MYLK3: variants seen among roughly 807,000 people sequenced by gnomAD.
MYLK3 encodes the protein myosin light chain kinase 3, also known as MLC kinase.
MYLK3 carries 55 observed loss-of-function variants against 76.3 expected under a neutral mutation model. The ratio of observed to expected loss-of-function variants is 0.72; its 90% CI spans 0.58 to 0.90. The LOEUF (loss-of-function observed/expected upper bound fraction) is 0.90. Among genes scored for constraint, MYLK3 ranks in the 40% least tolerant of loss-of-function variants. MYLK3 has a pLI of 0.00. For missense variants in MYLK3, 973 were observed against 1,053.6 expected, an observed-to-expected ratio of 0.92 and a Z score of 1.06; for synonymous variants, 416 against 425.4, an observed-to-expected ratio of 0.98 and a Z score of 0.27.
intron 1 of MYLK3, among the ~76,000 whole-genome samples, chr16:46,760,274 G>A (rs887682255): frequency 3.9e-5 from 6 of 152,180 alleles, no homozygotes; most frequent in African/African-American, 1.2e-4. Flanking sequence ...AAGTCCCTTC[G>A]ACTCCTACAA....
intron 7 of MYLK3, among the ~76,000 whole-genome samples, chr16:46,727,970 A>G (rs771401272): frequency 1.3e-5 from 2 of 152,242 alleles, no homozygotes; most frequent in Admixed American, 6.5e-5. Flanking sequence ...GATTCTGACC[A>G]GGGCTGTGAA....
intron 1 of MYLK3, among the ~76,000 whole-genome samples, chr16:46,753,577 T>C (rs866889451): frequency 6.6e-6 from 1 of 152,202 alleles, no homozygotes; most frequent in Middle Eastern, 3.4e-3. Context: ...AACACGATCA[T>C]AGAAGAAACA....
chr16:46,723,019 C>T (rs536792451), intron 8 of MYLK3, among the ~76,000 whole-genome samples: 5 of 152,026 alleles, frequency 3.3e-5, no homozygotes, highest in Admixed American at 6.6e-5. Flanking sequence ...TTAAAGTGTG[C>T]GATTCAATTA....
At chr16:46,711,962 C>T (rs16947668) in intron 10 of MYLK3, among the ~76,000 whole-genome samples, 2,546 of 150,788 alleles carry the variant, frequency 0.017, 35 homozygotes, top group South Asian at 0.045. Flanking sequence ...TGTCTCAGTA[C>T]CAAAAAATTC....
chr16:46,721,247 C>CTAT, intron 8 of MYLK3, 54 bp from the exon 9 acceptor site: 1 of 1,544,218 alleles, frequency 6.5e-7, no homozygotes, highest in Non-Finnish European at 9.0e-7. Flanking sequence ...AGGTCTGCAG[C>CTAT]TGCCACACTT....
intron 4 of MYLK3, 47 bp downstream of exon 4, chr16:46,732,161 T>C (rs1054972964): frequency 8.8e-6 from 13 of 1,478,854 alleles, no homozygotes; most frequent in Non-Finnish European, 1.2e-5. Context: ...GGCTCCAAAC[T>C]CCCTCCCCTC....
chr16:46,733,142 C>T (rs1017298629), intron 3 of MYLK3, among the ~76,000 whole-genome samples: 1 of 152,056 alleles, frequency 6.6e-6, no homozygotes, highest in African/African-American at 2.4e-5. Context: ...TGGGAGGATC[C>T]CTTGAGGCCA....
At chr16:46,739,416 A>C in intron 2 of MYLK3, among the ~76,000 whole-genome samples, 1 of 152,218 alleles carries the variant, frequency 6.6e-6, no homozygotes, top group East Asian at 1.9e-4. Context: ...TTTGAGTAAC[A>C]AGTTGGTGGC....
At chr16:46,760,688 C>G (rs545010481) in intron 1 of MYLK3, among the ~76,000 whole-genome samples, 1 of 152,332 alleles carries the variant, frequency 6.6e-6, no homozygotes, top group East Asian at 1.9e-4. Flanking sequence ...CTACCCCTAC[C>G]CTCTGAGCTG....
chr16:46,722,463 ATT>A (rs1966808999), intron 8 of MYLK3, among the ~76,000 whole-genome samples: 2 of 152,190 alleles, frequency 1.3e-5, no homozygotes, highest in Admixed American at 1.3e-4. Context: ...TTTCATTGTT[ATT>A]TATGTTACAA....
intron 10 of MYLK3, among the ~76,000 whole-genome samples, chr16:46,711,388 G>T (rs1296339909): frequency 2.6e-5 from 4 of 152,156 alleles, no homozygotes. Flanking sequence ...AGCAGCCACG[G>T]GAAGTCCACA....
chr16:46,734,426 C>T (rs944366411), intron 3 of MYLK3, among the ~76,000 whole-genome samples: 4 of 152,074 alleles, frequency 2.6e-5, no homozygotes, highest in Non-Finnish European at 4.4e-5. Flanking sequence ...CCAGACTGGC[C>T]AACATGGAGA....
At chr16:46,718,382 C>T (rs569043204) in intron 9 of MYLK3, among the ~76,000 whole-genome samples, 3 of 152,290 alleles carry the variant, frequency 2.0e-5, no homozygotes, top group Admixed American at 6.5e-5. Context: ...GACCCTGTCT[C>T]GTGGGATGAT....
intron 1 of MYLK3, among the ~76,000 whole-genome samples, chr16:46,755,883 G>C (rs551761955): frequency 2.0e-5 from 3 of 150,062 alleles, no homozygotes; most frequent in South Asian, 2.1e-4. Context: ...AGGACAACTA[G>C]AGTTCTTTTT....
intron 3 of MYLK3, among the ~76,000 whole-genome samples, chr16:46,735,791 G>C (rs75445197): frequency 0.02 from 3,050 of 152,248 alleles, 72 homozygotes; most frequent in East Asian, 0.1. Flanking sequence ...GCCAGTCAAC[G>C]GTCAGCTGAG....
intron 1 of MYLK3, among the ~76,000 whole-genome samples, chr16:46,744,312 G>A (rs905935414): frequency 1.4e-5 from 2 of 138,022 alleles, no homozygotes; most frequent in Admixed American, 7.7e-5. Flanking sequence ...AATTACAGGC[G>A]TGAGCCACCA....
chr16:46,757,007 C>G (rs1239714958), intron 1 of MYLK3, among the ~76,000 whole-genome samples: 1 of 152,142 alleles, frequency 6.6e-6, no homozygotes, highest in Non-Finnish European at 1.5e-5. Context: ...GACAGCTTCC[C>G]AGTCCTAAGC....
chr16:46,707,473 A>G lies in MYLK3; in HGVS notation c.*231T>C. ...CCAAAAGTAGGTATATTTGAAAGGT[A>G]CTCAGAGCATTTCACACGTAGTGAT... On this transcript the variant is annotated 3_prime_UTR_variant, in exon 13 of 13. Transcript: ENST00000394809. 6.2e-6 allele frequency: 3 copies of G among 487,386 alleles called. No individual in the cohort carries two copies. In the South Asian group the frequency reaches 9.8e-5, roughly 16 times the overall value. 30.2% of individuals were successfully genotyped at this position (487,386 alleles called of 1,614,324 possible).
intron 1 of MYLK3, among the ~76,000 whole-genome samples, chr16:46,745,748 CAAA>C (rs975676678): frequency 9.2e-5 from 14 of 151,936 alleles, no homozygotes; most frequent in African/African-American, 3.4e-4. Flanking sequence ...GTCTCAAAAA[CAAA>C]CAAAAACAAC....
Sources: allele counts gnomAD v4.1 joint callset (sites outside exome capture counted in the v4.1 genomes callset), GRCh38; gene constraint gnomAD v4.1.1; transcripts MANE v1.5; gene names NCBI Gene and HGNC (gene_info 2026-07-23, HGNC 2026-07-21).